MAP4K2: variants seen among roughly 807,000 people sequenced by gnomAD.
MAP4K2 encodes B lymphocyte serine/threonine protein kinase.
In MAP4K2, 85 loss-of-function variants were observed where a neutral mutation model predicts 125.3. That is an observed-to-expected ratio of 0.68 (90% CI 0.57 to 0.81). MAP4K2 has a LOEUF of 0.81. MAP4K2 is among the 40% of genes least tolerant of loss of function. The pLI is 0.00. For synonymous variants in MAP4K2, 479 were observed against 445.1 expected (o/e 1.08, Z -0.96); for missense variants, 923 against 1,056.4 (o/e 0.87, Z 1.75).
chr11:64,802,276 G>T, intron 4 of MAP4K2, 143 bp downstream of exon 4: 1 of 1,087,702 alleles, frequency 9.2e-7, no homozygotes, highest in Non-Finnish European at 1.4e-6. Context: ...ACCCAGAGAT[G>T]GACAGTATTT....
rs1236910191 is a variant in MAP4K2 at position 64,798,352 on chromosome 11, G to C, written c.1097+442C>G. On this transcript the variant is annotated intron_variant, in intron 15 of 31. Coordinates refer to ENST00000294066, the MANE Select transcript of MAP4K2 (RefSeq NM_004579.5). Reference sequence around the variant, plus strand: ...GCTAATTTTTTCTATTTTTACTAGAGACGGGCTTTCACCATGTTGGCCAGG... The same window carrying C: ...GCTAATTTTTTCTATTTTTACTAGACACGGGCTTTCACCATGTTGGCCAGG... 2.0e-5 allele frequency among the ~76,000 whole-genome samples: 3 copies of C among 151,994 alleles called. No homozygotes were observed. The East Asian group carries it at 5.8e-4, about 29-fold the overall frequency.
In MAP4K2 at chr11:64,797,140, C is replaced by A. The variant is rs376867611; in HGVS notation, c.1329G>T (p.Thr443=). The A allele has an allele frequency of 6.2e-7, 1 of 1,614,128 alleles. No homozygotes were observed. The highest frequency in any genetic ancestry group is 8.5e-7 in the Non-Finnish European group (1 of 1,180,018). The part of the protein sequence containing the change: ...SGPNSSPLLP[T]AWATMKQRED... ...CCCGCTGCTTCATGGTGGCCCAGGC[C>A]GTGGGCAGCAGTGGGGAGCTGTTGG... The change falls in exon 19 of 32, where the codon ACG becomes ACT. Residue 443 remains threonine (T), a synonymous_variant. Coordinates refer to ENST00000294066, the MANE Select transcript of MAP4K2 (RefSeq NM_004579.5).
chr11:64,802,358 C>T lies in MAP4K2; in HGVS notation c.310+61G>A, dbSNP rs558991390. 1.5e-5 allele frequency: 22 copies of T among 1,462,744 alleles called. 1 individual carries two copies. The South Asian group carries it at 2.6e-4, about 18-fold the overall frequency. 90.6% of individuals were successfully genotyped at this position (1,462,744 alleles called of 1,614,324 possible). A position where few individuals can be genotyped will look rare whatever the true frequency, so the allele number is the denominator to read the frequency against. On this transcript the variant is annotated intron_variant, in intron 4 of 31. Coordinates refer to ENST00000294066, the MANE Select transcript of MAP4K2 (RefSeq NM_004579.5). ...CAGGGCCCAGAGTCCCCTCTGGTAC[C>T]CCAGTGGGGTAGGGGTGGGGGAAGG... is the stretch of plus-strand genomic sequence containing the variant.
rs1178386823 is a variant in MAP4K2 at position 64,796,687 on chromosome 11, C to T, written c.1519G>A (p.Glu507Lys). The change falls in exon 22 of 32, where the codon GAA (glutamate) becomes AAA (lysine). Residue 507 changes from glutamate to lysine, a missense_variant. Physicochemically the swap from Glu to Lys is moderately conservative, Grantham distance 56. Transcript: ENST00000294066. ...RDQFLVVGAEEGIYTLNLHEL... is the reference protein window; with the variant it reads ...RDQFLVVGAEKGIYTLNLHEL... ...TGCAGGTTGAGTGTGTAGATGCCTT[C>T]CTCGGCCCCTACCACCAGGAACTGG... 1.2e-6 allele frequency: 2 copies of T among 1,613,660 alleles called. No homozygotes were observed. Among genetic ancestry groups the T allele is most frequent in the Non-Finnish European group, 1.7e-6 (2 of 1,179,936 alleles).
chr11:64,801,322 G>C (rs35581760), intron 7 of MAP4K2, 139 bp from the exon 8 acceptor site: 18 of 1,103,140 alleles, frequency 1.6e-5, no homozygotes, highest in Non-Finnish European at 2.0e-5. Context: ...GCAGGCCCTA[G>C]GCAAGGCCAG....
chr11:64,793,966 T>C (rs974723332), intron 24 of MAP4K2, among the ~76,000 whole-genome samples: 1 of 152,114 alleles, frequency 6.6e-6, no homozygotes, highest in Non-Finnish European at 1.5e-5. Flanking sequence ...AGTGAGCACG[T>C]TGCAGGAAGG....
Position 64,789,386 on chromosome 11 carries a change from C to T in MAP4K2, c.*151G>A. ...TCGGGGGCTCCCCTCCCTCCCCAGG[C>T]CTGAAACATTTCTCAGGATTACTTC... On this transcript the variant is annotated 3_prime_UTR_variant, in exon 32 of 32. Coordinates refer to ENST00000294066, the MANE Select transcript of MAP4K2 (RefSeq NM_004579.5). The T allele has an allele frequency of 1.5e-6, 1 of 682,750 alleles. No individual in the cohort carries two copies. The highest frequency in any genetic ancestry group is 1.9e-5 in the South Asian group (1 of 53,484). The allele number at this position is 682,750 out of a possible 1,614,324, so 42.3% of individuals were successfully genotyped here.
chr11:64,796,454 C>T, intron 23 of MAP4K2, 39 bp downstream of exon 23: 1 of 1,613,542 alleles, frequency 6.2e-7, no homozygotes, highest in Non-Finnish European at 8.5e-7. Flanking sequence ...GCGCTGGAGC[C>T]CCTGCGGACC....
chr11:64,794,291 C>T (rs375933182), intron 24 of MAP4K2, among the ~76,000 whole-genome samples: 97 of 152,382 alleles, frequency 6.4e-4, no homozygotes, highest in African/African-American at 2.2e-3. Flanking sequence ...ACTCCTCTTT[C>T]TCTTTCATCA....
intron 11 of MAP4K2, 44 bp from the exon 12 acceptor site, chr11:64,800,260 A>C (rs766112125): frequency 2.2e-5 from 36 of 1,612,126 alleles, no homozygotes; most frequent in Non-Finnish European, 3.1e-5. Context: ...CCCCTGATCC[A>C]GGGCCCTGCT....
chr11:64,789,727 T>C lies in MAP4K2; in HGVS notation c.2375+3A>G. On this transcript the variant is annotated splice_donor_region_variant and intron_variant, in intron 31 of 31. Coordinates refer to ENST00000294066, the MANE Select transcript of MAP4K2 (RefSeq NM_004579.5). The stretch of plus-strand genomic sequence containing the variant: ...AAGGGGAGGCTAGGGTACCACCGCC[T>C]ACCTGTGGGCCCCAAGCACTCGGAA... 6.2e-7 allele frequency: 1 copy of C among 1,614,104 alleles called. No homozygotes were observed. The highest frequency in any genetic ancestry group is 8.5e-7 in the Non-Finnish European group (1 of 1,179,978).
In MAP4K2 at chr11:64,796,447, C is replaced by A. The variant is rs200372765; in HGVS notation, c.1633+46G>T. 3.7e-6 allele frequency: 6 copies of A among 1,613,702 alleles called. No individual in the cohort carries two copies. The African/African-American group carries it at 8.0e-5, about 21-fold the overall frequency. On this transcript the variant is annotated intron_variant, in intron 23 of 31. Transcript: ENST00000294066. ...TGTTGGTGGGCAGGATGCTGAGGCG[C>A]TGGAGCCCCTGCGGACCCTGCCTCC...
intron 10 of MAP4K2, 129 bp downstream of exon 10, chr11:64,800,635 C>A: frequency 7.6e-7 from 1 of 1,319,036 alleles, no homozygotes. Context: ...AGGCCCCTGA[C>A]TCAGATGGTC....
intron 29 of MAP4K2, 91 bp from the exon 30 acceptor site, chr11:64,790,050 C>T (rs2136034601): frequency 1.9e-6 from 3 of 1,553,720 alleles, no homozygotes; most frequent in South Asian, 2.3e-5. Context: ...GGGGTCCTCA[C>T]TGACCTCAGG....
Position 64,803,176 on chromosome 11 carries a change from C to CGG in MAP4K2, c.-29_-28dup. The CGG allele has an allele frequency of 9.1e-7, 1 of 1,103,650 alleles. No individual in the cohort carries two copies. Among genetic ancestry groups the CGG allele is most frequent in the Non-Finnish European group, 1.1e-6 (1 of 897,910 alleles). 68.4% of individuals were successfully genotyped at this position (1,103,650 alleles called of 1,614,324 possible). ...GCCCGGCGCCGGGCGGGCCGGCAGG[C>CGG]GGGCGGGCGCGAGCTGCGGAGCCGG... is the stretch of plus-strand genomic sequence containing the variant. On this transcript the variant is annotated 5_prime_UTR_variant, in exon 1 of 32. Transcript: ENST00000294066.
chr11:64,793,191 G>A (rs757969622), intron 24 of MAP4K2, among the ~76,000 whole-genome samples: 24 of 151,342 alleles, frequency 1.6e-4, no homozygotes, highest in African/African-American at 2.7e-4. Context: ...ACTCCAGCCC[G>A]GGCAATGAGA....
At chr11:64,796,946 G>A (rs1372583602) in intron 20 of MAP4K2, 36 bp downstream of exon 20, 5 of 1,613,806 alleles carry the variant, frequency 3.1e-6, no homozygotes, top group Non-Finnish European at 4.2e-6. Context: ...TGGGTGGCAG[G>A]GCTGTGGGAC....
rs540211464 is a variant in MAP4K2 at position 64,787,245 on chromosome 11, G to A, written c.*2292C>T. ...GGGGTTTCACCATGTTGGCCAGGCT[G>A]GTCTCGAACCCCTGACCTCGTGATT... On this transcript the variant is annotated 3_prime_UTR_variant, in exon 32 of 32. Transcript: ENST00000294066. 3 of 152,056 alleles carry A rather than the reference G, an allele frequency of 2.0e-5. No individual in the cohort carries two copies. In the South Asian group the frequency reaches 6.2e-4, roughly 32 times the overall value. The allele number at this position is 152,056 out of a possible 1,614,324, so 9.4% of individuals were successfully genotyped here. A position where few individuals can be genotyped will look rare whatever the true frequency, so the allele number is the denominator to read the frequency against.
rs111587387 is a variant in MAP4K2 at position 64,792,158 on chromosome 11, C to T, written c.1914+14G>A. The stretch of plus-strand genomic sequence containing the variant: ...CTCTGAGGGTGCCCTGGGCCTCCCC[C>T]CACCGCCCCTCACCTTCAGCAGCAG... On this transcript the variant is annotated intron_variant, in intron 26 of 31. Coordinates refer to ENST00000294066, the MANE Select transcript of MAP4K2 (RefSeq NM_004579.5). The T allele has an allele frequency of 2.4e-5, 39 of 1,599,640 alleles. No homozygotes were observed. Among genetic ancestry groups the T allele is most frequent in the Non-Finnish European group, 3.2e-5 (38 of 1,173,230 alleles).
Sources: allele counts gnomAD v4.1 joint callset (sites outside exome capture counted in the v4.1 genomes callset), GRCh38; gene constraint gnomAD v4.1.1; transcripts MANE v1.5; gene names NCBI Gene and HGNC (gene_info 2026-07-23, HGNC 2026-07-21).